PRKN: variants seen among roughly 807,000 people sequenced by gnomAD.
PRKN encodes the protein E3 ubiquitin-protein ligase parkin.
A neutral mutation model predicts 59.5 loss-of-function variants in PRKN; 56 were observed. The ratio of observed to expected loss-of-function variants is 0.94; its 90% CI spans 0.76 to 1.18. The LOEUF is 1.18. Among genes scored for constraint, PRKN ranks in the 50% most tolerant of loss-of-function variants. The pLI is 0.00. For missense variants in PRKN, 657 were observed against 596.4 expected, an observed-to-expected ratio of 1.10 and a Z score of -1.06; for synonymous variants, 250 against 222.1, an observed-to-expected ratio of 1.13 and a Z score of -1.12.
intron 1 of PRKN, among the ~76,000 whole-genome samples, chr6:162,645,868 CTT>C (rs751656108): frequency 1.1e-4 from 13 of 121,142 alleles, no homozygotes; most frequent in Admixed American, 1.8e-4. Flanking sequence ...TAAACTTTCT[CTT>C]TTTTTTTTTT....
chr6:162,192,520 A>G (rs59852728), intron 4 of PRKN, among the ~76,000 whole-genome samples: 10,665 of 131,894 alleles, frequency 0.081, 860 homozygotes, highest in East Asian at 0.41. Context: ...TGGCATGATC[A>G]TGGCTCACTG....
chr6:162,198,866 A>G (rs1018347294), intron 4 of PRKN, among the ~76,000 whole-genome samples: 4 of 152,128 alleles, frequency 2.6e-5, no homozygotes, highest in African/African-American at 9.7e-5. Context: ...TAGTCCCCAC[A>G]ACACTCTATT....
chr6:162,488,628 C>T (rs149944305), intron 1 of PRKN, among the ~76,000 whole-genome samples: 4 of 152,206 alleles, frequency 2.6e-5, no homozygotes, highest in Non-Finnish European at 5.9e-5. Flanking sequence ...GATGGGTGAC[C>T]GTCCTCTCTG....
Position 162,010,448 on chromosome 6 carries a change from T to TATAATGTATTTATAATACATATTAC in PRKN, c.619-37032_619-37031insGTAATATGTATTATAAATACATTAT, listed in dbSNP as rs1464702211. Among the ~76,000 whole-genome samples the TATAATGTATTTATAATACATATTAC allele has an allele frequency of 1.8e-4, 13 of 71,780 alleles. 5 individuals carry two copies. The Admixed American group carries it at 2.9e-3, about 16-fold the overall frequency. 47.1% of individuals were successfully genotyped at this position (71,780 alleles called of 152,430 possible). ...TTTATAATATGTAATATTTATGATA[T>TATAATGTATTTATAATACATATTAC]ATAATGTATTTATAATATATATTAT... On this transcript the variant is annotated intron_variant, in intron 5 of 11. Transcript: ENST00000366898.
chr6:161,590,004 G>GT (rs1472256281), intron 7 of PRKN, among the ~76,000 whole-genome samples: 1 of 150,874 alleles, frequency 6.6e-6, no homozygotes. Flanking sequence ...GGCCAGGCTC[G>GT]TTTTGAACTC....
At chr6:161,829,876 T>G (rs1463676588) in intron 6 of PRKN, among the ~76,000 whole-genome samples, 2 of 141,096 alleles carry the variant, frequency 1.4e-5, no homozygotes, top group Non-Finnish European at 3.0e-5. Flanking sequence ...AAAATGCCAA[T>G]ACAAGAACCA....
rs1211690646 is a variant in PRKN at position 161,527,748 on chromosome 6, C to T, written c.1083+21106G>A. Among the ~76,000 whole-genome samples the T allele has an allele frequency of 6.6e-6, 1 of 152,170 alleles. No individual in the cohort carries two copies. Among genetic ancestry groups the T allele is most frequent in the Non-Finnish European group, 1.5e-5 (1 of 68,032 alleles). On this transcript the variant is annotated intron_variant, in intron 9 of 11. Coordinates refer to ENST00000366898, the MANE Select transcript of PRKN (RefSeq NM_004562.3). The surrounding 1 kb of genome is among the most constrained non-coding windows in gnomAD (Gnocchi z 4.6). ...AGCTATTGCTAATCAGAACATTCTC[C>T]GGCTCTCCAGTCTTCTTTATTAGAC...
intron 1 of PRKN, chr6:162,624,307 A>G (rs1035212900): frequency 3.3e-5 from 5 of 152,098 alleles, no homozygotes; most frequent in Non-Finnish European, 7.4e-5. Context: ...ACGTGAGGAG[A>G]ACAATCTGTG....
intron 3 of PRKN, among the ~76,000 whole-genome samples, chr6:162,208,684 T>A (rs1410019779): frequency 6.6e-6 from 1 of 152,182 alleles, no homozygotes; most frequent in African/African-American, 2.4e-5. Flanking sequence ...CAGAAATGGA[T>A]ACGGGCCAGG....
intron 3 of PRKN, among the ~76,000 whole-genome samples, chr6:162,256,379 C>T (rs1779640372): frequency 6.6e-6 from 1 of 152,012 alleles, no homozygotes; most frequent in South Asian, 2.1e-4. Context: ...TCCATTAGTC[C>T]TTATTTACTC....
chr6:162,251,990 G>A (rs1012516732), intron 3 of PRKN, among the ~76,000 whole-genome samples: 4 of 152,120 alleles, frequency 2.6e-5, no homozygotes, highest in Admixed American at 2.6e-4. Flanking sequence ...TAAACTCTGA[G>A]AGTATAAATG....
chr6:162,507,732 T>A (rs1355739039), intron 1 of PRKN, among the ~76,000 whole-genome samples: 1 of 152,190 alleles, frequency 6.6e-6, no homozygotes, highest in Non-Finnish European at 1.5e-5. Context: ...TTGATCTATG[T>A]CTGTCTCCCC....
Position 161,566,418 on chromosome 6 carries a change from T to C in PRKN, c.933+2937A>G, listed in dbSNP as rs1371274858. ...TTTTCCCACCTTATTATCATTATTA[T>C]TTTTCTGAGACAGAGTCTCACTCTG... On this transcript the variant is annotated intron_variant, in intron 8 of 11. Transcript: ENST00000366898. This position sits in a 1 kb window ranked among gnomAD's most constrained non-coding sequence, Gnocchi z 4.1. Among the ~76,000 whole-genome samples, 2 of 152,154 alleles carry C rather than the reference T, an allele frequency of 1.3e-5. No homozygotes were observed. The highest frequency in any genetic ancestry group is 2.9e-5 in the Non-Finnish European group (2 of 68,022).
At chr6:162,422,954 C>CAAAAAAAAAAAA (rs61557917) in intron 2 of PRKN, among the ~76,000 whole-genome samples, 11 of 65,688 alleles carry the variant, frequency 1.7e-4, no homozygotes, top group East Asian at 5.7e-4. Context: ...TCCAAGAGAC[C>CAAAAAAAAAAAA]AAAAAAAAAA....
At chr6:161,690,924 T>C (rs1019740155) in intron 7 of PRKN, among the ~76,000 whole-genome samples, 2 of 152,174 alleles carry the variant, frequency 1.3e-5, no homozygotes, top group Admixed American at 6.5e-5. Flanking sequence ...TAAATTTCTA[T>C]TAATCTATCT....
rs560402244 is a variant in PRKN, at chr6:161,453,836, C to T, written c.1084-66959G>A. On this transcript the variant is annotated intron_variant, in intron 9 of 11. Coordinates refer to ENST00000366898, the MANE Select transcript of PRKN (RefSeq NM_004562.3). ...AAAGTTAACTTTATGATTACCCTTT[C>T]TGGGAATACTAGTTGTTACTATACA... 5.5e-4 allele frequency among the ~76,000 whole-genome samples: 81 copies of T among 146,714 alleles called. 1 individual carries two copies. The highest frequency in any genetic ancestry group is 9.0e-4 in the Non-Finnish European group (60 of 66,940).
At chr6:162,411,187 C>A (rs968339653) in intron 2 of PRKN, among the ~76,000 whole-genome samples, 2 of 152,068 alleles carry the variant, frequency 1.3e-5, no homozygotes, top group Middle Eastern at 3.2e-3. Context: ...TAAATGGCAA[C>A]TCAAAAAATA....
intron 1 of PRKN, among the ~76,000 whole-genome samples, chr6:162,552,294 CG>C (rs35486233): frequency 6.6e-6 from 1 of 152,048 alleles, no homozygotes; most frequent in Non-Finnish European, 1.5e-5. Flanking sequence ...GGGGAAAAAA[CG>C]GGGTTTTAGC....
intron 1 of PRKN, among the ~76,000 whole-genome samples, chr6:162,470,721 A>G (rs1791688699): frequency 6.6e-6 from 1 of 152,168 alleles, no homozygotes; most frequent in Non-Finnish European, 1.5e-5. Context: ...CACCTGAGGC[A>G]TTCACACTTT....
Sources: gnomAD v4.1 joint callset for allele counts (sites outside exome capture counted in the v4.1 genomes callset) on GRCh38, gnomAD v4.1.1 for gene constraint, Gnocchi (gnomAD v3.1) non-coding constraint, MANE v1.5 for transcripts, NCBI Gene and HGNC (gene_info 2026-07-23, HGNC 2026-07-21) for gene names.